IKBKB: variants seen among roughly 807,000 people sequenced by gnomAD.
IKBKB encodes inhibitor of nuclear factor kappa-B kinase subunit beta.
In IKBKB, 42 loss-of-function variants were observed where a neutral mutation model predicts 113.6. The ratio of observed to expected loss-of-function variants is 0.37; its 90% confidence interval spans 0.29 to 0.48. The LOEUF (loss-of-function observed/expected upper bound fraction) is 0.48, where lower values mean the gene tolerates loss of function less well. Ranked by LOEUF, IKBKB falls within the 20% of genes least tolerant of loss-of-function variation. The probability of loss-of-function intolerance (pLI) is 0.99; values close to 1 mark genes in which losing one functional copy is unlikely to be tolerated. For missense variants in IKBKB, 673 were observed against 939.7 expected (o/e 0.72, Z 3.71); for synonymous variants, 296 against 361.3 (o/e 0.82, Z 2.05).
chr8:42,292,999 C>T (rs752548727), intron 4 of IKBKB, among the ~76,000 whole-genome samples: 2 of 152,232 alleles, frequency 1.3e-5, no homozygotes, highest in Non-Finnish European at 2.9e-5. Flanking sequence ...TGCTCAGTAA[C>T]TGTTCTCTAC....
chr8:42,329,901 C>G, intron 21 of IKBKB: 1 of 985,358 alleles, frequency 1.0e-6, no homozygotes, highest in African/African-American at 1.7e-5. Context: ...ACTTGCTAAC[C>G]TCCCCTAACT....
intron 2 of IKBKB, among the ~76,000 whole-genome samples, chr8:42,279,375 A>G (rs988629873): frequency 2.0e-5 from 3 of 152,060 alleles, no homozygotes; most frequent in Non-Finnish European, 2.9e-5. Flanking sequence ...CTTTCCTGAC[A>G]CTCCATGCAC....
intron 1 of IKBKB, 137 bp from the exon 2 acceptor site, chr8:42,271,946 C>T: frequency 1.0e-6 from 1 of 972,798 alleles, no homozygotes; most frequent in Non-Finnish European, 1.5e-6. Flanking sequence ...ACATTGGTTT[C>T]TTTACAAAAT....
intron 8 of IKBKB, among the ~76,000 whole-genome samples, chr8:42,311,563 C>A (rs1484898982): frequency 4.5e-3 from 508 of 113,682 alleles, no homozygotes; most frequent in African/African-American, 0.01. Flanking sequence ...TCCATCTTAC[C>A]AAAAAAAAAA....
Position 42,289,939 on chromosome 8 carries a change from G to A in IKBKB, c.201-217G>A, listed in dbSNP as rs1156804218. 3.3e-5 allele frequency among the ~76,000 whole-genome samples: 5 copies of A among 152,194 alleles called. No homozygotes were observed. In the East Asian group the frequency reaches 5.8e-4, roughly 18 times the overall value. ...GCACAAAAAACTGAAGTTACACGCA[G>A]TTGTGCCCTCAGGGTCTGAGTTCTG... On this transcript the variant is annotated intron_variant, in intron 3 of 21. Transcript: ENST00000520810.
Position 42,331,003 on chromosome 8 carries a change from CA to C in IKBKB, c.*25del. 1 of 1,602,666 alleles carries C rather than the reference CA, an allele frequency of 6.2e-7. No homozygotes were observed. The highest frequency in any genetic ancestry group is 8.5e-7 in the Non-Finnish European group (1 of 1,171,832). On this transcript the variant is annotated 3_prime_UTR_variant, in exon 22 of 22. Transcript: ENST00000520810. ...GATGTGGGGGGACTCGACCCCCTGA[CA>C]TGGGGCAGCCCATAGCAGGCCTTGT...
chr8:42,326,629 C>G (rs1175966027), intron 20 of IKBKB, among the ~76,000 whole-genome samples: 1 of 152,110 alleles, frequency 6.6e-6, no homozygotes, highest in Non-Finnish European at 1.5e-5. Flanking sequence ...CCACTCTGAC[C>G]AAGGTGTTCC....
chr8:42,293,307 C>T (rs1813039748), intron 4 of IKBKB, 136 bp from the exon 5 acceptor site: 1 of 1,015,436 alleles, frequency 9.8e-7, no homozygotes, highest in South Asian at 1.5e-5. Flanking sequence ...GCAGCCCTGG[C>T]TTCCTCAAAA....
intron 11 of IKBKB, 101 bp from the exon 12 acceptor site, chr8:42,317,556 C>T: frequency 1.3e-6 from 1 of 777,480 alleles, no homozygotes; most frequent in Non-Finnish European, 2.3e-6. Context: ...GAAGATGATG[C>T]TCTTGCTGAA....
intron 5 of IKBKB, among the ~76,000 whole-genome samples, chr8:42,304,707 C>T (rs1033551359): frequency 6.6e-6 from 1 of 152,184 alleles, no homozygotes; most frequent in Non-Finnish European, 1.5e-5. Flanking sequence ...GACTCTGTCC[C>T]CAAGGGCCCT....
chr8:42,305,267 G>T lies in IKBKB; in HGVS notation c.469G>T (p.Glu157Ter). Residue 157 changes from glutamate to a stop codon, truncating the protein, a stop_gained, in exon 6 of 22, where the codon GAA becomes TAA. Transcript: ENST00000520810. LOFTEE classifies it high-confidence loss of function. ...KPENIVLQQG[E>*]QRLIHKIIDL... ...AGAAAACATCGTCCTGCAGCAAGGA[G>T]AACAGAGGGTAAGTGACCTCCTGGG... The T allele has an allele frequency of 6.2e-7, 1 of 1,610,986 alleles. No homozygotes were observed. The highest frequency in any genetic ancestry group is 8.5e-7 in the Non-Finnish European group (1 of 1,177,254).
intron 8 of IKBKB, 52 bp downstream of exon 8, chr8:42,309,077 C>T (rs1196593596): frequency 1.3e-6 from 2 of 1,576,244 alleles, no homozygotes; most frequent in Non-Finnish European, 1.7e-6. Flanking sequence ...CTGTTCCTTT[C>T]TCTTCACGTA....
chr8:42,274,784 GCGCCCCCCC>G (rs1808631559), intron 2 of IKBKB, among the ~76,000 whole-genome samples: 1 of 41,650 alleles, frequency 2.4e-5, no homozygotes, highest in African/African-American at 4.2e-5. Flanking sequence ...CCCCGCCGGC[GCGCCCCCCC>G]CCCCCCCCGC....
chr8:42,298,200 G>C (rs1814313739), intron 5 of IKBKB: 1 of 985,344 alleles, frequency 1.0e-6, no homozygotes, highest in African/African-American at 1.7e-5. Flanking sequence ...AGGGCAGGCT[G>C]TGGTGCTCTC....
At chr8:42,303,721 G>A (rs928204438) in intron 5 of IKBKB, among the ~76,000 whole-genome samples, 4 of 152,144 alleles carry the variant, frequency 2.6e-5, no homozygotes, top group African/African-American at 9.7e-5. Flanking sequence ...TGGCCAAGCT[G>A]GTCTTGAACT....
At chr8:42,274,400 C>T (rs1808479273) in intron 2 of IKBKB, among the ~76,000 whole-genome samples, 1 of 152,120 alleles carries the variant, frequency 6.6e-6, no homozygotes, top group Non-Finnish European at 1.5e-5. Context: ...ACTTATTCCA[C>T]CTAACCGTAA....
At chr8:42,275,690 A>G (rs1034041190) in intron 2 of IKBKB, among the ~76,000 whole-genome samples, 3 of 152,098 alleles carry the variant, frequency 2.0e-5, no homozygotes, top group African/African-American at 4.8e-5. Flanking sequence ...TTGTTCATTG[A>G]TGGACATTTA....
intron 12 of IKBKB, 103 bp downstream of exon 12, chr8:42,317,874 A>G: frequency 1.2e-6 from 1 of 816,824 alleles, no homozygotes; most frequent in Non-Finnish European, 2.1e-6. Flanking sequence ...CACGTAAAGG[A>G]AATTAATATC....
At chr8:42,329,590 C>T (rs2130737967) in intron 21 of IKBKB, 1 of 964,500 alleles carries the variant, frequency 1.0e-6, no homozygotes, top group African/African-American at 1.8e-5. Flanking sequence ...TACATGTATG[C>T]ATTATCTTAT....
Sources: allele counts gnomAD v4.1 joint callset (sites outside exome capture counted in the v4.1 genomes callset), GRCh38; gene constraint gnomAD v4.1.1; transcripts MANE v1.5; gene names NCBI Gene and HGNC (gene_info 2026-07-23, HGNC 2026-07-21).